The following STAU2 variants were observed in gnomAD, a reference collection of about 807,000 sequenced individuals.
STAU2 encodes staufen double-stranded RNA binding protein 2.
Under a neutral mutation model 65.9 loss-of-function variants are expected in STAU2, and 20 were observed. The observed-to-expected ratio is 0.30, with a 90% confidence interval of 0.21 to 0.44. The LOEUF is 0.44. STAU2 is among the 20% of genes least tolerant of loss of function. The pLI, the probability that STAU2 is intolerant of heterozygous loss-of-function variation, is 1.00. For synonymous variants in STAU2, 232 were observed against 233.9 expected, an observed-to-expected ratio of 0.99 and a Z score of 0.07; for missense variants, 558 against 683.9, an observed-to-expected ratio of 0.82 and a Z score of 2.05.
chr8:73,550,424 TAAC>T (rs1807252441), intron 13 of STAU2: 1 of 985,406 alleles, frequency 1.0e-6, no homozygotes, highest in Non-Finnish European at 1.2e-6. Context: ...ACAGCTACTG[TAAC>T]AACAGCTCCA....
At chr8:73,687,397 ATATT>A (rs908101906) in intron 5 of STAU2, among the ~76,000 whole-genome samples, 19 of 119,792 alleles carry the variant, frequency 1.6e-4, no homozygotes, top group Non-Finnish European at 6.8e-5. Flanking sequence ...TAAAAATAAT[ATATT>A]TATATTTAAA....
At chr8:73,470,540 G>C (rs1471033419) in intron 13 of STAU2, among the ~76,000 whole-genome samples, 1 of 152,190 alleles carries the variant, frequency 6.6e-6, no homozygotes, top group Non-Finnish European at 1.5e-5. Flanking sequence ...GCTCTCGCCT[G>C]TAATCCCAAC....
At position 73,631,953 on chromosome 8, in the gene STAU2, T is replaced by C. The variant is rs1309953402; in HGVS notation, c.411-14502A>G. Among the ~76,000 whole-genome samples the C allele has an allele frequency of 2.0e-5, 3 of 147,598 alleles. No homozygotes were observed. In the Admixed American group the frequency reaches 2.0e-4, roughly 10 times the overall value. On this transcript the variant is annotated intron_variant, in intron 6 of 14. Coordinates refer to ENST00000524300, the MANE Select transcript of STAU2 (RefSeq NM_001164380.2). ...CCAAAAAGCTGAAGTTGCTCATTTTTATCTCAATGAGAGAGAGGAGGGATA... is the reference window on the plus strand; with the variant it reads ...CCAAAAAGCTGAAGTTGCTCATTTTCATCTCAATGAGAGAGAGGAGGGATA...
chr8:73,687,838 A>T (rs1225779044), intron 5 of STAU2, among the ~76,000 whole-genome samples: 1 of 150,934 alleles, frequency 6.6e-6, no homozygotes, highest in Non-Finnish European at 1.5e-5. Flanking sequence ...CGGCCTCCTG[A>T]GTAGCTGGGA....
chr8:73,497,990 C>G (rs11993228), intron 13 of STAU2, among the ~76,000 whole-genome samples: 15,814 of 151,790 alleles, frequency 0.1, 1,638 homozygotes, highest in African/African-American at 0.26. Context: ...CTTATGTACA[C>G]GTGGCAACAT....
At chr8:73,673,599 T>A (rs1484563398) in intron 5 of STAU2, among the ~76,000 whole-genome samples, 1 of 152,152 alleles carries the variant, frequency 6.6e-6, no homozygotes, top group Non-Finnish European at 1.5e-5. Context: ...TATTTAATCA[T>A]TAAAAACATC....
intron 13 of STAU2, among the ~76,000 whole-genome samples, chr8:73,455,869 T>A (rs1056705079): frequency 2.6e-5 from 4 of 152,150 alleles, no homozygotes; most frequent in Non-Finnish European, 4.4e-5. Flanking sequence ...CCCCAACACA[T>A]AACCTAAAAC....
rs370678997 is a variant in STAU2, at chr8:73,558,041, T to C, written c.1223-5722A>G. 6.2e-4 allele frequency among the ~76,000 whole-genome samples: 94 copies of C among 152,326 alleles called. No homozygotes were observed. In the South Asian group the frequency reaches 0.018, roughly 30 times the overall value. On this transcript the variant is annotated intron_variant, in intron 12 of 14. Coordinates refer to ENST00000524300, the MANE Select transcript of STAU2 (RefSeq NM_001164380.2). The stretch of plus-strand genomic sequence containing the variant: ...GAAGCATGGAGAAGATATGAAACTC[T>C]CCCAAGGTCATATGGATAATAAGCA...
intron 13 of STAU2, among the ~76,000 whole-genome samples, chr8:73,495,532 T>C (rs908424901): frequency 2.0e-5 from 3 of 151,280 alleles, no homozygotes; most frequent in South Asian, 2.1e-4. Flanking sequence ...TATACTATCA[T>C]AGAATCTTCC....
intron 13 of STAU2, among the ~76,000 whole-genome samples, chr8:73,427,374 T>G (rs1816902396): frequency 6.6e-6 from 1 of 152,200 alleles, no homozygotes. Flanking sequence ...TTTTGTCATC[T>G]TTTGGCCCCA....
intron 13 of STAU2, among the ~76,000 whole-genome samples, chr8:73,457,180 T>C (rs1249967411): frequency 6.6e-6 from 1 of 151,814 alleles, no homozygotes; most frequent in Non-Finnish European, 1.5e-5. Context: ...AAATGGAAAA[T>C]GGCGAGAATA....
At position 73,529,477 on chromosome 8, in the gene STAU2, T is replaced by C. The variant is rs1430600235; in HGVS notation, c.1530+22535A>G. Among the ~76,000 whole-genome samples the C allele has an allele frequency of 2.0e-5, 3 of 152,264 alleles. No individual in the cohort carries two copies. The East Asian group carries it at 5.8e-4, about 29-fold the overall frequency. On this transcript the variant is annotated intron_variant, in intron 13 of 14. Coordinates refer to ENST00000524300, the MANE Select transcript of STAU2 (RefSeq NM_001164380.2). The stretch of plus-strand genomic sequence containing the variant: ...ATGAAAGACATGACAATCTCCTAAA[T>C]ATACAGTGACAGTAAACACACTTCT...
chr8:73,423,364 T>C (rs1050607088), intron 13 of STAU2, among the ~76,000 whole-genome samples: 2 of 152,334 alleles, frequency 1.3e-5, no homozygotes, highest in East Asian at 3.9e-4. Flanking sequence ...GCTGTATAGC[T>C]GGGAGGCACC....
chr8:73,587,559 T>A (rs945576439), intron 11 of STAU2, among the ~76,000 whole-genome samples: 1 of 152,136 alleles, frequency 6.6e-6, no homozygotes, highest in Admixed American at 6.5e-5. Context: ...CGAAAAAAAC[T>A]GCATGATGTG....
At chr8:73,527,905 T>A in intron 13 of STAU2, 1 of 672,604 alleles carries the variant, frequency 1.5e-6, no homozygotes, top group Non-Finnish European at 2.5e-6. Flanking sequence ...GAACACACTT[T>A]AAATATTTAA....
At chr8:73,655,836 G>C (rs1235509206) in intron 6 of STAU2, among the ~76,000 whole-genome samples, 5 of 151,854 alleles carry the variant, frequency 3.3e-5, no homozygotes, top group Non-Finnish European at 4.4e-5. Flanking sequence ...TTTTAGTAGA[G>C]ACAGGGTTTC....
intron 3 of STAU2, among the ~76,000 whole-genome samples, chr8:73,725,868 G>A (rs1805585020): frequency 6.6e-6 from 1 of 152,148 alleles, no homozygotes; most frequent in Non-Finnish European, 1.5e-5. Context: ...GGGAGGTCGA[G>A]GCTGCAGTGA....
intron 5 of STAU2, 77 bp from the exon 6 acceptor site, chr8:73,673,319 C>T (rs1336480713): frequency 3.0e-5 from 39 of 1,313,358 alleles, no homozygotes; most frequent in East Asian, 1.8e-4. Context: ...ATTTATACAA[C>T]GCTTAAATAC....
rs1479994909 is a variant in STAU2 at position 73,441,750 on chromosome 8, C to T, written c.1531-19048G>A. 2.0e-5 allele frequency among the ~76,000 whole-genome samples: 3 copies of T among 152,150 alleles called. No homozygotes were observed. In the East Asian group the frequency reaches 5.8e-4, roughly 29 times the overall value. ...CCCGTTTATTGAAACCCAGAACTAA[C>T]GATTGATGTTTAAAGACTAATCCGT... On this transcript the variant is annotated intron_variant, in intron 13 of 14. Coordinates refer to ENST00000524300, the MANE Select transcript of STAU2 (RefSeq NM_001164380.2).
Sources: gnomAD v4.1 joint callset for allele counts (sites outside exome capture counted in the v4.1 genomes callset) on GRCh38, gnomAD v4.1.1 for gene constraint, MANE v1.5 for transcripts, NCBI Gene and HGNC (gene_info 2026-07-23, HGNC 2026-07-21) for gene names.